The following CSMD1 variants were observed in gnomAD, a reference collection of about 807,000 sequenced individuals.
CSMD1 encodes CUB and Sushi multiple domains 1, also known as CUB and sushi domain-containing protein 1.
CSMD1 carries 213 observed loss-of-function variants against 417.5 expected under a neutral mutation model. The observed-to-expected ratio is 0.51, with a 90% confidence interval of 0.46 to 0.57. CSMD1 has a LOEUF of 0.57. Ranked by LOEUF, CSMD1 falls within the 20% of genes least tolerant of loss-of-function variation. The pLI is 0.00. For missense variants in CSMD1, 6,923 were observed against 4,529.7 expected (o/e 1.53, Z -15.17); for synonymous variants, 2,862 against 1,736.8 (o/e 1.65, Z -16.11).
intron 26 of CSMD1, among the ~76,000 whole-genome samples, chr8:3,267,248 G>C (rs1043996870): frequency 1.3e-5 from 2 of 152,134 alleles, no homozygotes; most frequent in African/African-American, 4.8e-5. Context: ...TTGCATGACC[G>C]TTGGAAGGAA....
intron 1 of CSMD1, among the ~76,000 whole-genome samples, chr8:4,696,349 C>T (rs1436314919): frequency 1.3e-5 from 2 of 152,146 alleles, no homozygotes; most frequent in East Asian, 1.9e-4. Flanking sequence ...TTGTTTAGTT[C>T]ATCTACTATA....
At chr8:4,406,740 T>A (rs141420732) in intron 3 of CSMD1, among the ~76,000 whole-genome samples, 1 of 152,210 alleles carries the variant, frequency 6.6e-6, no homozygotes, top group South Asian at 2.1e-4. Context: ...AGAGAATGTA[T>A]TGTTTGCCAA....
chr8:4,801,465 T>C (rs1014828493), intron 1 of CSMD1, among the ~76,000 whole-genome samples: 4 of 151,968 alleles, frequency 2.6e-5, no homozygotes, highest in African/African-American at 9.7e-5. Flanking sequence ...AGATGGCTTT[T>C]TTTTTTCTTT....
At chr8:3,229,351 G>A (rs1480088173) in intron 27 of CSMD1, among the ~76,000 whole-genome samples, 2 of 152,092 alleles carry the variant, frequency 1.3e-5, no homozygotes, top group African/African-American at 4.8e-5. Context: ...CTCTAAGTAC[G>A]AATTTTATTA....
At chr8:3,358,321 T>C in intron 21 of CSMD1, among the ~76,000 whole-genome samples, 1 of 152,278 alleles carries the variant, frequency 6.6e-6, no homozygotes, top group East Asian at 1.9e-4. Context: ...TTCTGTAACT[T>C]TAAAGAACAA....
intron 1 of CSMD1, among the ~76,000 whole-genome samples, chr8:4,753,200 C>A (rs1050421928): frequency 6.6e-6 from 1 of 151,910 alleles, no homozygotes; most frequent in Non-Finnish European, 1.5e-5. Context: ...GAGTAAGGCC[C>A]GGGTCCCCAT....
chr8:4,922,892 A>G (rs1443150467), intron 1 of CSMD1, among the ~76,000 whole-genome samples: 1 of 152,172 alleles, frequency 6.6e-6, no homozygotes, highest in Non-Finnish European at 1.5e-5. Flanking sequence ...TAAGCCTCAA[A>G]AGAGTCTCTC....
rs577389562 is a variant in CSMD1, at chr8:4,688,638, T to TG, written c.86-51081dup. Among the ~76,000 whole-genome samples, 373 of 152,232 alleles carry TG rather than the reference T, an allele frequency of 2.5e-3. 15 individuals are homozygous for TG. In the South Asian group the frequency reaches 0.058, roughly 24 times the overall value. The stretch of plus-strand genomic sequence containing the variant: ...ATGTCATGTTGACTTCAGAGCCATT[T>TG]GGGGGGGTCTTTACCTAAGAACAAT... On this transcript the variant is annotated intron_variant, in intron 1 of 69. Coordinates refer to ENST00000635120, the MANE Select transcript of CSMD1 (RefSeq NM_033225.6).
At chr8:3,940,796 T>A (rs1375022399) in intron 5 of CSMD1, among the ~76,000 whole-genome samples, 1 of 151,950 alleles carries the variant, frequency 6.6e-6, no homozygotes, top group African/African-American at 2.4e-5. Flanking sequence ...AAAATATTAT[T>A]AAGACTATAA....
At chr8:3,076,233 C>G (rs1426635716) in intron 49 of CSMD1, among the ~76,000 whole-genome samples, 7 of 112,448 alleles carry the variant, frequency 6.2e-5, no homozygotes, top group African/African-American at 2.7e-4. Flanking sequence ...CTGACCCTAT[C>G]TCCTTTGTGT....
At chr8:2,978,021 C>T (rs575946782) in intron 55 of CSMD1, among the ~76,000 whole-genome samples, 83 of 152,164 alleles carry the variant, frequency 5.5e-4, no homozygotes, top group South Asian at 1.2e-3. Context: ...TGTAGCGATT[C>T]CTCAAAGACC....
At chr8:3,805,815 A>G (rs977966640) in intron 5 of CSMD1, among the ~76,000 whole-genome samples, 3 of 152,086 alleles carry the variant, frequency 2.0e-5, no homozygotes. Context: ...CAGAATTACC[A>G]TTCAAGCCTT....
At chr8:3,621,809 A>G (rs1796255453) in intron 7 of CSMD1, among the ~76,000 whole-genome samples, 1 of 151,814 alleles carries the variant, frequency 6.6e-6, no homozygotes, top group Non-Finnish European at 1.5e-5. Context: ...GGGTTTCACC[A>G]TATTGCCCAG....
chr8:4,728,023 T>A lies in CSMD1; in HGVS notation c.86-90465A>T, dbSNP rs867588007. Among the ~76,000 whole-genome samples, 54 of 145,230 alleles carry A rather than the reference T, an allele frequency of 3.7e-4. 1 individual carries two copies. The highest frequency in any genetic ancestry group is 2.2e-3 in the East Asian group (11 of 5,054). ...ATTTATATACAAAATATATATATAT[T>A]TTTTCTATTTTTTTGGTTTATTGTT... On this transcript the variant is annotated intron_variant, in intron 1 of 69. Transcript: ENST00000635120.
chr8:4,568,219 C>G (rs1371699935), intron 2 of CSMD1, among the ~76,000 whole-genome samples: 1 of 152,118 alleles, frequency 6.6e-6, no homozygotes, highest in African/African-American at 2.4e-5. Flanking sequence ...TACATGTTTA[C>G]TGCACCCAAC....
chr8:4,487,410 G>A (rs1485799601), intron 2 of CSMD1, among the ~76,000 whole-genome samples: 1 of 152,108 alleles, frequency 6.6e-6, no homozygotes, highest in East Asian at 1.9e-4. Flanking sequence ...GTGAGAACAT[G>A]CAGTGTTTGG....
intron 4 of CSMD1, among the ~76,000 whole-genome samples, chr8:4,004,980 G>A (rs1298051127): frequency 2.0e-5 from 3 of 152,248 alleles, no homozygotes; most frequent in Admixed American, 2.0e-4. Context: ...TCCTGACCTC[G>A]TGATCTGCCA....
chr8:3,835,942 C>T (rs754632861), intron 5 of CSMD1, among the ~76,000 whole-genome samples: 40 of 151,958 alleles, frequency 2.6e-4, no homozygotes, highest in Non-Finnish European at 5.0e-4. Context: ...AATATGGGTC[C>T]AGGAATAGAA....
At chr8:4,479,092 C>G (rs1296707872) in intron 2 of CSMD1, among the ~76,000 whole-genome samples, 1 of 152,036 alleles carries the variant, frequency 6.6e-6, no homozygotes, top group African/African-American at 2.4e-5. Context: ...AGAAATAAGA[C>G]ACAGTTATAT....
Sources: allele counts gnomAD v4.1 joint callset (sites outside exome capture counted in the v4.1 genomes callset), GRCh38; gene constraint gnomAD v4.1.1; transcripts MANE v1.5; gene names NCBI Gene and HGNC (gene_info 2026-07-23, HGNC 2026-07-21).